Variants in DCN observed in about 807,000 individuals in gnomAD.
The protein encoded by DCN is bone proteoglycan II.
Under a neutral mutation model 36.5 loss-of-function variants are expected in DCN, and 17 were observed. The ratio of observed to expected loss-of-function variants is 0.47; its 90% confidence interval spans 0.32 to 0.70. The LOEUF is 0.70. DCN is among the 30% of genes least tolerant of loss of function. The pLI is 0.04. For synonymous variants in DCN, 163 were observed against 161.4 expected (o/e 1.01, Z -0.07); for missense variants, 389 against 430.1 (o/e 0.90, Z 0.84).
At chr12:91,177,811 G>C in intron 2 of DCN, 1 of 652,816 alleles carries the variant, frequency 1.5e-6, no homozygotes, top group Non-Finnish European at 2.8e-6. Context: ...GAGATTAAGG[G>C]AGTATTTTGA....
chr12:91,170,394 A>G (rs951091146), intron 2 of DCN, among the ~76,000 whole-genome samples: 9 of 152,128 alleles, frequency 5.9e-5, no homozygotes, highest in African/African-American at 2.2e-4. Context: ...GTGTTCATCT[A>G]AAGATCTTGG....
At position 91,144,138 on chromosome 12, in the gene DCN, T is replaced by C. The variant is rs1199252329; in HGVS notation, c.*1920A>G. On this transcript the variant is annotated 3_prime_UTR_variant, in exon 8 of 8. Coordinates refer to ENST00000052754, the MANE Select transcript of DCN (RefSeq NM_001920.5). ...AAGAGAAAGGCTGCAGCATAAAGGG[T>C]ATATCATTCAAGGCTATAACATGGA... 6.6e-6 allele frequency: 1 copy of C among 152,024 alleles called. No individual in the cohort carries two copies. Among genetic ancestry groups the C allele is most frequent in the Non-Finnish European group, 1.5e-5 (1 of 68,010 alleles). The allele number at this position is 152,024 out of a possible 1,614,324, so 9.4% of individuals were successfully genotyped here.
rs3138277 is a variant in DCN at position 91,149,873 on chromosome 12, C to A, written c.885+1781G>T. Among the ~76,000 whole-genome samples, 826 of 152,086 alleles carry A rather than the reference C, an allele frequency of 5.4e-3. 2 individuals are homozygous for A. The highest frequency in any genetic ancestry group is 0.019 in the African/African-American group (797 of 41,492). The stretch of plus-strand genomic sequence containing the variant: ...AACAATGAATGTAGTAAAAGAATTG[C>A]AAGGCATGTATGCTAAAAATGACAA... On this transcript the variant is annotated intron_variant, in intron 7 of 7. Transcript: ENST00000052754.
intron 3 of DCN, among the ~76,000 whole-genome samples, chr12:91,160,995 A>T (rs1289149360): frequency 6.6e-6 from 1 of 152,120 alleles, no homozygotes; most frequent in Admixed American, 6.5e-5. Flanking sequence ...CTAAATTTTC[A>T]TTTCTCTCCT....
intron 5 of DCN, among the ~76,000 whole-genome samples, chr12:91,155,536 A>G (rs1254575412): frequency 6.6e-6 from 1 of 152,184 alleles, no homozygotes; most frequent in African/African-American, 2.4e-5. Flanking sequence ...ATGCATTAAG[A>G]GGGACAGCAA....
intron 3 of DCN, 26 bp from the exon 4 acceptor site, chr12:91,158,535 C>A: frequency 8.2e-7 from 1 of 1,220,032 alleles, no homozygotes; most frequent in South Asian, 1.2e-5. Context: ...AAAAACATCT[C>A]TTTAAATCCA....
rs1005884329 is a variant in DCN, at chr12:91,144,807, C to T, written c.*1251G>A. On this transcript the variant is annotated 3_prime_UTR_variant, in exon 8 of 8. Transcript: ENST00000052754. ...TTATCTCCTCAAGTTTTTCATGTTC[C>T]ACTGCACTCATTCTGCTACTATTAG... 6.6e-6 allele frequency: 1 copy of T among 152,122 alleles called. No individual in the cohort carries two copies. The highest frequency in any genetic ancestry group is 1.5e-5 in the Non-Finnish European group (1 of 68,026). 9.4% of individuals were successfully genotyped at this position (152,122 alleles called of 1,614,324 possible).
At chr12:91,151,600 G>A in intron 7 of DCN, 54 bp downstream of exon 7, 1 of 1,608,690 alleles carries the variant, frequency 6.2e-7, no homozygotes, top group African/African-American at 1.3e-5. Context: ...CCATAAGCAG[G>A]GTGGGGGTCT....
At chr12:91,181,710 C>A (rs1255945892) in intron 1 of DCN, among the ~76,000 whole-genome samples, 1 of 151,922 alleles carries the variant, frequency 6.6e-6, no homozygotes, top group Non-Finnish European at 1.5e-5. Context: ...CTTTCAAAGT[C>A]AAAATTTAAC....
chr12:91,158,437 G>A lies in DCN; in HGVS notation c.397C>T (p.Arg133Ter). Residue 133 changes from arginine to a stop codon, truncating the protein, a stop_gained, in exon 4 of 8, where the codon CGA becomes TGA. Coordinates refer to ENST00000052754, the MANE Select transcript of DCN (RefSeq NM_001920.5). LOFTEE classifies it high-confidence loss of function. ...AGCTGATTCTTGGACAGATAAAGTC[G>A]TTCCAACTTCACCAAAGGTGTAAAT... ...GAFTPLVKLE[R>*]LYLSKNQLKE... 6.2e-7 allele frequency: 1 copy of A among 1,609,910 alleles called. No individual in the cohort carries two copies. Among genetic ancestry groups the A allele is most frequent in the Non-Finnish European group, 8.5e-7 (1 of 1,176,244 alleles).
intron 2 of DCN, among the ~76,000 whole-genome samples, chr12:91,165,106 A>C (rs1178428151): frequency 6.6e-6 from 1 of 152,210 alleles, no homozygotes; most frequent in Non-Finnish European, 1.5e-5. Context: ...TTTTACATAA[A>C]TACCGTGTCA....
chr12:91,181,170 G>A (rs943065388), intron 1 of DCN, among the ~76,000 whole-genome samples: 4 of 151,774 alleles, frequency 2.6e-5, no homozygotes, highest in African/African-American at 9.7e-5. Context: ...GAATGTATGT[G>A]TGTGTGTTCA....
At chr12:91,161,218 G>A (rs1882134810) in intron 3 of DCN, among the ~76,000 whole-genome samples, 2 of 152,074 alleles carry the variant, frequency 1.3e-5, no homozygotes, top group Non-Finnish European at 1.5e-5. Flanking sequence ...AAAAACAGAA[G>A]GAGTCTTAGG....
At chr12:91,175,550 G>T (rs1312054538) in intron 2 of DCN, 1 of 152,010 alleles carries the variant, frequency 6.6e-6, no homozygotes, top group Non-Finnish European at 1.5e-5. Context: ...GTGGTAAAAA[G>T]TAGTCAAACA....
intron 5 of DCN, among the ~76,000 whole-genome samples, chr12:91,153,464 C>T (rs1195937058): frequency 6.6e-6 from 1 of 151,974 alleles, no homozygotes; most frequent in Non-Finnish European, 1.5e-5. Flanking sequence ...AATAGAAGAA[C>T]TGAAGTCAAC....
chr12:91,172,144 G>A (rs912390764), intron 2 of DCN: 1 of 144,510 alleles, frequency 6.9e-6, no homozygotes, highest in Admixed American at 6.7e-5. Context: ...GTAAGAAATA[G>A]ACTTCTTTTT....
At chr12:91,155,905 G>A (rs1409323443) in intron 5 of DCN, among the ~76,000 whole-genome samples, 1 of 152,128 alleles carries the variant, frequency 6.6e-6, no homozygotes, top group African/African-American at 2.4e-5. Context: ...TATGGAATAT[G>A]TACTCTCAGG....
chr12:91,180,482 C>T (rs901522732), intron 1 of DCN: 1 of 152,134 alleles, frequency 6.6e-6, no homozygotes, highest in East Asian at 1.9e-4. Context: ...TGCCTAGATT[C>T]TCTAGAGAAG....
At chr12:91,150,611 G>A (rs1285554121) in intron 7 of DCN, among the ~76,000 whole-genome samples, 1 of 152,146 alleles carries the variant, frequency 6.6e-6, no homozygotes, top group Non-Finnish European at 1.5e-5. Flanking sequence ...ATGAGGCTGT[G>A]GAGAAATAGG....
Sources: gnomAD v4.1 joint callset for allele counts (sites outside exome capture counted in the v4.1 genomes callset) on GRCh38, gnomAD v4.1.1 for gene constraint, MANE v1.5 for transcripts, NCBI Gene and HGNC (gene_info 2026-07-23, HGNC 2026-07-21) for gene names.